The following OSBPL10 variants were observed in gnomAD, a reference collection of about 807,000 sequenced individuals.
The protein encoded by OSBPL10 is oxysterol binding protein like 10.
Under a neutral mutation model 81.7 loss-of-function variants are expected in OSBPL10, and 49 were observed. The ratio of observed to expected loss-of-function variants is 0.60; its 90% CI spans 0.48 to 0.76. The LOEUF (loss-of-function observed/expected upper bound fraction) is 0.76, where lower values mean the gene tolerates loss of function less well. Among genes scored for constraint, OSBPL10 ranks in the 30% least tolerant of loss-of-function variants. The probability of loss-of-function intolerance (pLI) is 0.00; values close to 1 mark genes in which losing one functional copy is unlikely to be tolerated. For missense variants in OSBPL10, 923 were observed against 987.8 expected (o/e 0.93, Z 0.88); for synonymous variants, 419 against 383.6 (o/e 1.09, Z -1.08).
chr3:31,985,825 TG>T (rs765728932), upstream of OSBPL10, among the ~76,000 whole-genome samples: 1 of 152,232 alleles, frequency 6.6e-6, no homozygotes, highest in Admixed American at 6.5e-5. Flanking sequence ...CTGCTTTAAG[TG>T]TTTTACACAT....
At chr3:31,854,133 C>A (rs980431362) in intron 3 of OSBPL10, among the ~76,000 whole-genome samples, 1 of 134,366 alleles carries the variant, frequency 7.4e-6, no homozygotes, top group Non-Finnish European at 1.6e-5. Flanking sequence ...CATTATATCT[C>A]AGTAAAGTTT....
intron 4 of OSBPL10, among the ~76,000 whole-genome samples, chr3:31,783,146 T>TATATATAC (rs1485968747): frequency 2.3e-4 from 26 of 112,990 alleles, no homozygotes; most frequent in African/African-American, 6.9e-4. Context: ...TATATATATA[T>TATATATAC]ACACACACAC....
intron 3 of OSBPL10, among the ~76,000 whole-genome samples, chr3:31,847,776 G>A (rs1420069113): frequency 1.3e-5 from 2 of 152,070 alleles, no homozygotes; most frequent in Non-Finnish European, 1.5e-5. Context: ...GAACAGCCAA[G>A]GAGAGGGAGG....
intron 1 of OSBPL10, among the ~76,000 whole-genome samples, chr3:31,910,361 G>A (rs905587652): frequency 2.1e-4 from 32 of 152,022 alleles, no homozygotes; most frequent in East Asian, 3.9e-4. Context: ...GGGGCCGGGC[G>A]CGGTGGCTCA....
At chr3:31,901,046 A>G (rs1188581376) in intron 1 of OSBPL10, among the ~76,000 whole-genome samples, 1 of 152,228 alleles carries the variant, frequency 6.6e-6, no homozygotes, top group African/African-American at 2.4e-5. Flanking sequence ...AAAACAAGAC[A>G]TTAAACGAAA....
chr3:31,786,750 C>T (rs1312862753), intron 4 of OSBPL10, among the ~76,000 whole-genome samples: 1 of 152,160 alleles, frequency 6.6e-6, no homozygotes, highest in East Asian at 1.9e-4. Flanking sequence ...ATGATTTAAG[C>T]ACTTTAAAAG....
chr3:31,865,404 C>T (rs1011474468), intron 3 of OSBPL10, among the ~76,000 whole-genome samples: 1 of 152,190 alleles, frequency 6.6e-6, no homozygotes, highest in Non-Finnish European at 1.5e-5. Flanking sequence ...TATTGCACAG[C>T]ATAGTTTTAA....
At chr3:31,715,548 G>T (rs1306874781) in intron 6 of OSBPL10, among the ~76,000 whole-genome samples, 1 of 152,128 alleles carries the variant, frequency 6.6e-6, no homozygotes, top group Non-Finnish European at 1.5e-5. Flanking sequence ...AAAGTTCAGT[G>T]GGAAGAGATT....
At chr3:32,075,013 C>G (rs995882633) in intron 1 of OSBPL10, among the ~76,000 whole-genome samples, 1 of 152,166 alleles carries the variant, frequency 6.6e-6, no homozygotes, top group Non-Finnish European at 1.5e-5. Context: ...CCAACACGAC[C>G]AAAAAGAGTC....
At chr3:31,869,422 T>C (rs1701264262) in intron 3 of OSBPL10, among the ~76,000 whole-genome samples, 3 of 152,226 alleles carry the variant, frequency 2.0e-5, no homozygotes, top group African/African-American at 7.2e-5. Context: ...AATGCTCACC[T>C]TGTATAATAA....
intron 1 of OSBPL10, among the ~76,000 whole-genome samples, chr3:31,926,367 G>A (rs149690322): frequency 1.2e-3 from 178 of 145,132 alleles, no homozygotes; most frequent in African/African-American, 4.5e-3. Flanking sequence ...ACCATCTACT[G>A]GGGAGAGGTC....
chr3:32,074,137 G>C (rs563243160), intron 1 of OSBPL10, among the ~76,000 whole-genome samples: 3 of 152,070 alleles, frequency 2.0e-5, no homozygotes, highest in Admixed American at 2.0e-4. Context: ...CCACCTCCCT[G>C]CACCTCAGAA....
intron 2 of OSBPL10, among the ~76,000 whole-genome samples, chr3:32,021,822 C>CA (rs1275940266): frequency 6.6e-6 from 1 of 151,204 alleles, no homozygotes; most frequent in Non-Finnish European, 1.5e-5. Context: ...AAAAAAATAC[C>CA]AAAAAAATTA....
chr3:31,671,315 C>G (rs1047883150), intron 8 of OSBPL10, among the ~76,000 whole-genome samples: 2 of 152,128 alleles, frequency 1.3e-5, no homozygotes, highest in African/African-American at 4.8e-5. Context: ...AGAGACTGAC[C>G]TGGTAAGGGA....
intron 8 of OSBPL10, among the ~76,000 whole-genome samples, chr3:31,675,697 G>C (rs1234093381): frequency 6.6e-6 from 1 of 152,184 alleles, no homozygotes; most frequent in African/African-American, 2.4e-5. Context: ...TGTAATCCCA[G>C]CACTTTGGGA....
chr3:31,821,818 C>T (rs974703565), intron 4 of OSBPL10, among the ~76,000 whole-genome samples: 2 of 152,200 alleles, frequency 1.3e-5, no homozygotes, highest in Non-Finnish European at 2.9e-5. Context: ...TCTGCCAGTA[C>T]AGATCACTAC....
intron 1 of OSBPL10, among the ~76,000 whole-genome samples, chr3:31,975,609 C>T (rs761303420): frequency 1.3e-5 from 2 of 152,068 alleles, no homozygotes; most frequent in African/African-American, 4.8e-5. Context: ...AGGGTGGGCA[C>T]GTCACAGGAA....
intron 4 of OSBPL10, among the ~76,000 whole-genome samples, chr3:31,763,505 T>G (rs896716682): frequency 4.9e-4 from 75 of 152,338 alleles, no homozygotes; most frequent in African/African-American, 1.7e-3. Flanking sequence ...GAAATTCTTT[T>G]ATTTTGCAAG....
rs1559517809 is a variant in OSBPL10, at chr3:31,918,324, CTTTTCT to C, written c.282-38500_282-38495del. Among the ~76,000 whole-genome samples, 6 of 91,260 alleles carry C rather than the reference CTTTTCT, an allele frequency of 6.6e-5. No homozygotes were observed. The South Asian group carries it at 1.9e-3, about 29-fold the overall frequency. 59.9% of individuals were successfully genotyped at this position (91,260 alleles called of 152,430 possible). ...AAGACACACACTGGAGTTGTTTTTTCTTTTCTTTTTTTTTTTTTTAAAGAGACAGGG... is the reference window on the plus strand; with the variant it reads ...AAGACACACACTGGAGTTGTTTTTTCTTTTTTTTTTTTTAAAGAGACAGGG... On this transcript the variant is annotated intron_variant, in intron 1 of 11. Coordinates refer to ENST00000396556, the MANE Select transcript of OSBPL10 (RefSeq NM_017784.5).
Sources: allele counts gnomAD v4.1 joint callset (sites outside exome capture counted in the v4.1 genomes callset), GRCh38; gene constraint gnomAD v4.1.1; transcripts MANE v1.5; gene names NCBI Gene and HGNC (gene_info 2026-07-23, HGNC 2026-07-21).